The following POLK variants were observed in gnomAD, a reference collection of about 807,000 sequenced individuals.
POLK encodes DNA polymerase kappa.
In POLK, 76 loss-of-function variants were observed where a neutral mutation model predicts 94.0. The ratio of observed to expected loss-of-function variants is 0.81; its 90% CI spans 0.67 to 0.98. The LOEUF (loss-of-function observed/expected upper bound fraction) is 0.98, where lower values mean the gene tolerates loss of function less well. Among genes scored for constraint, POLK ranks in the 50% least tolerant of loss-of-function variants. The probability of loss-of-function intolerance (pLI) is 0.00; values close to 1 mark genes in which losing one functional copy is unlikely to be tolerated. For missense variants in POLK, 954 were observed against 1,010.1 expected, an observed-to-expected ratio of 0.94 and a Z score of 0.75; for synonymous variants, 349 against 325.4, an observed-to-expected ratio of 1.07 and a Z score of -0.78.
chr5:75,580,607 A>G lies in POLK; in HGVS notation c.695-602A>G, dbSNP rs1279257347. ...AGCATAACTTTCACAGGTAATTTCT[A>G]TTTATTACAAATGTGCCCTTAGTCA... On this transcript the variant is annotated intron_variant, in intron 6 of 14. Coordinates refer to ENST00000241436, the Ensembl canonical transcript of POLK. The G allele has an allele frequency of 1.2e-5, 9 of 730,526 alleles. No homozygotes were observed. The East Asian group carries it at 7.8e-4, about 64-fold the overall frequency. The allele number at this position is 730,526 out of a possible 1,614,324, so 45.3% of individuals were successfully genotyped here.
chr5:75,521,344 A>AT (rs1233671728), intron 1 of POLK, among the ~76,000 whole-genome samples: 1 of 150,644 alleles, frequency 6.6e-6, no homozygotes, highest in Non-Finnish European at 1.5e-5. Context: ...TAGCTTACTG[A>AT]TTGTTTTTTT....
At chr5:75,551,399 C>A (rs1770324434) in intron 2 of POLK, among the ~76,000 whole-genome samples, 1 of 151,628 alleles carries the variant, frequency 6.6e-6, no homozygotes, top group South Asian at 2.1e-4. Flanking sequence ...AGACCCCACC[C>A]CCCAACCTCT....
intron 1 of POLK, among the ~76,000 whole-genome samples, chr5:75,522,118 C>T (rs1209024593): frequency 6.6e-6 from 1 of 152,246 alleles, no homozygotes; most frequent in East Asian, 1.9e-4. Flanking sequence ...ACTCATGATG[C>T]TTCCCATGGA....
chr5:75,595,255 A>G (rs1773011030), intron 12 of POLK, among the ~76,000 whole-genome samples: 1 of 148,280 alleles, frequency 6.7e-6, no homozygotes, highest in African/African-American at 2.5e-5. Context: ...TCAGAAAAAA[A>G]AAAAAAAAAA....
At chr5:75,588,174 A>T (rs890971537) in intron 10 of POLK, among the ~76,000 whole-genome samples, 7 of 152,156 alleles carry the variant, frequency 4.6e-5, no homozygotes, top group African/African-American at 1.4e-4. Flanking sequence ...TATTGGGAAA[A>T]CTATTTTATG....
chr5:75,606,641 C>A, the POLK span, among the ~76,000 whole-genome samples: 7 of 150,394 alleles, frequency 4.7e-5, no homozygotes, highest in East Asian at 1.4e-3. Flanking sequence ...GTTGACACAG[C>A]ACATGTTTCA....
chr5:75,581,892 G>A (rs906362204), intron 7 of POLK: 3 of 200,206 alleles, frequency 1.5e-5, no homozygotes, highest in African/African-American at 7.1e-5. Flanking sequence ...TGTTAGCCAG[G>A]ATGGTCTCCA....
exon 15 of POLK, chr5:75,598,114 G>T: frequency 1.9e-6 from 1 of 522,724 alleles, no homozygotes; most frequent in Non-Finnish European, 3.3e-6. Flanking sequence ...GATTTATTTA[G>T]TGAAGGCAAG....
chr5:75,543,027 T>G (rs1338401858), intron 1 of POLK, among the ~76,000 whole-genome samples: 2 of 144,688 alleles, frequency 1.4e-5, no homozygotes, highest in Non-Finnish European at 3.0e-5. Context: ...ATTTATTTAT[T>G]TATTTATTTA....
At chr5:75,595,847 C>T (rs1183835063) in intron 12 of POLK, among the ~76,000 whole-genome samples, 2 of 151,264 alleles carry the variant, frequency 1.3e-5, no homozygotes, top group Non-Finnish European at 3.0e-5. Context: ...TCTTTGGGAA[C>T]TCATTGTACC....
At chr5:75,511,688 C>T (rs914732088), upstream of POLK, 9 of 1,534,760 alleles carry the variant, frequency 5.9e-6, no homozygotes, top group African/African-American at 1.1e-4. Flanking sequence ...CCCCACTACT[C>T]CCCGCCCCGT....
chr5:75,586,312 A>AC (rs1772468176), intron 9 of POLK, among the ~76,000 whole-genome samples: 2 of 152,050 alleles, frequency 1.3e-5, no homozygotes, highest in African/African-American at 4.8e-5. Flanking sequence ...ATTTACTACT[A>AC]TATTTGTTAT....
intron 12 of POLK, among the ~76,000 whole-genome samples, chr5:75,594,979 G>A (rs527980590): frequency 1.3e-5 from 2 of 152,176 alleles, no homozygotes; most frequent in Non-Finnish European, 2.9e-5. Context: ...GGCTGGGCGC[G>A]GTGGCTCACG....
Position 75,559,508 on chromosome 5 carries a change from T to TTTTTG in POLK, c.255+6932_255+6936dup, listed in dbSNP as rs1202250676. ...GCAATTTATTGATTTGGGGTTTGTT[T>TTTTTG]TTTTGTTTTGTTTTGTTTTTTTTTT... On this transcript the variant is annotated intron_variant, in intron 3 of 14. Coordinates refer to ENST00000241436, the Ensembl canonical transcript of POLK. Among the ~76,000 whole-genome samples the TTTTTG allele has an allele frequency of 1.1e-3, 159 of 146,986 alleles. 1 individual carries two copies. The highest frequency in any genetic ancestry group is 2.1e-3 in the African/African-American group (82 of 39,502).
intron 5 of POLK, 93 bp downstream of exon 5, chr5:75,573,962 G>A: frequency 7.8e-7 from 1 of 1,287,840 alleles, no homozygotes; most frequent in Non-Finnish European, 1.1e-6. Flanking sequence ...GTAGGATTTG[G>A]TCTTAGCTTA....
At position 75,596,266 on chromosome 5, in the gene POLK, C is replaced by A. The variant is rs147350703; in HGVS notation, c.1573C>A (p.Gln525Lys). The change falls in exon 13 of 15, where the codon CAA becomes AAA. Residue 525 changes from glutamine to lysine, a missense_variant. Coordinates refer to ENST00000241436, the Ensembl canonical transcript of POLK. ...TCCCAATGAAGAGGACAGGAAACAC[C>A]AACAAAGGAGCATTATTGGCTTTTT... 54 of 1,612,022 alleles carry A rather than the reference C, an allele frequency of 3.3e-5. No individual in the cohort carries two copies. The highest frequency in any genetic ancestry group is 4.5e-5 in the Non-Finnish European group (53 of 1,178,894).
At chr5:75,575,395 A>G (rs1038847202) in intron 5 of POLK, among the ~76,000 whole-genome samples, 29 of 152,156 alleles carry the variant, frequency 1.9e-4, no homozygotes, top group African/African-American at 7.0e-4. Context: ...TGCTCAGGCT[A>G]GGCTTAAACT....
chr5:75,604,727 TATATTTG>T (rs1773378819), downstream of POLK, among the ~76,000 whole-genome samples: 5 of 152,176 alleles, frequency 3.3e-5, no homozygotes, highest in Admixed American at 2.0e-4. Context: ...AAAGCAGTGA[TATATTTG>T]AACACACTTT....
chr5:75,579,971 T>TAA (rs760963756), intron 6 of POLK, among the ~76,000 whole-genome samples: 16 of 125,444 alleles, frequency 1.3e-4, no homozygotes, highest in African/African-American at 3.8e-4. Context: ...GACCCTGTCT[T>TAA]AAAAAAAAAA....
Sources: gnomAD v4.1 joint callset for allele counts (sites outside exome capture counted in the v4.1 genomes callset) on GRCh38, gnomAD v4.1.1 for gene constraint, MANE v1.5 for transcripts, NCBI Gene and HGNC (gene_info 2026-07-23, HGNC 2026-07-21) for gene names.